Variants in CTNNA3 observed in about 807,000 individuals in gnomAD.
CTNNA3 encodes catenin alpha-3.
CTNNA3 carries 76 observed loss-of-function variants against 95.7 expected under a neutral mutation model. The ratio of observed to expected loss-of-function variants is 0.79; its 90% CI spans 0.66 to 0.96. The LOEUF (loss-of-function observed/expected upper bound fraction) is 0.96, where lower values mean the gene tolerates loss of function less well. Ranked by LOEUF, CTNNA3 falls within the 40% of genes least tolerant of loss-of-function variation. The pLI is 0.00. For missense variants in CTNNA3, 1,191 were observed against 1,089.8 expected (o/e 1.09, Z -1.31); for synonymous variants, 431 against 374.4 (o/e 1.15, Z -1.74).
At chr10:66,686,490 A>T (rs1847302415) in intron 9 of CTNNA3, among the ~76,000 whole-genome samples, 1 of 152,142 alleles carries the variant, frequency 6.6e-6, no homozygotes, top group African/African-American at 2.4e-5. Context: ...TCCCATTTTC[A>T]AATTTCAGCA....
At chr10:66,491,137 G>A (rs1410269043) in intron 11 of CTNNA3, among the ~76,000 whole-genome samples, 1 of 152,064 alleles carries the variant, frequency 6.6e-6, no homozygotes, top group African/African-American at 2.4e-5. Flanking sequence ...AACCATAGCC[G>A]CTGCACTTTA....
chr10:66,328,345 A>C (rs1216949227), intron 12 of CTNNA3, among the ~76,000 whole-genome samples: 5 of 152,102 alleles, frequency 3.3e-5, no homozygotes, highest in African/African-American at 1.2e-4. Context: ...CTAGGGATAC[A>C]TCATATTTAA....
chr10:66,557,689 C>A (rs1415632053), intron 10 of CTNNA3, among the ~76,000 whole-genome samples: 1 of 152,132 alleles, frequency 6.6e-6, no homozygotes, highest in Non-Finnish European at 1.5e-5. Flanking sequence ...TATACTCCCA[C>A]AACTGGAGTT....
In CTNNA3 at chr10:66,937,127, C is replaced by T. The variant is rs149025272; in HGVS notation, c.1048-161603G>A. Among the ~76,000 whole-genome samples the T allele has an allele frequency of 2.6e-3, 397 of 151,944 alleles. 4 individuals are homozygous for T. Among genetic ancestry groups the T allele is most frequent in the African/African-American group, 9.4e-3 (390 of 41,456 alleles). ...TGAATCGCCATTATACAAAGTCTTT[C>T]TCCTTAAATTTTTTTCATGGAGAGA... On this transcript the variant is annotated intron_variant, in intron 7 of 17. Transcript: ENST00000433211.
intron 2 of CTNNA3, among the ~76,000 whole-genome samples, chr10:67,636,863 T>C (rs1307427362): frequency 1.3e-5 from 2 of 152,108 alleles, no homozygotes; most frequent in African/African-American, 4.8e-5. Flanking sequence ...ACCCCATCTG[T>C]ACGTCACCAT....
intron 11 of CTNNA3, among the ~76,000 whole-genome samples, chr10:66,478,704 T>C (rs140881539): frequency 1.1e-3 from 171 of 151,964 alleles, no homozygotes; most frequent in African/African-American, 4.0e-3. Flanking sequence ...ATAATGTAAT[T>C]AAAATAAATT....
At chr10:66,827,924 A>G (rs1842574740) in intron 7 of CTNNA3, among the ~76,000 whole-genome samples, 2 of 152,244 alleles carry the variant, frequency 1.3e-5, no homozygotes, top group Non-Finnish European at 1.5e-5. Context: ...CCGAGATGAT[A>G]TAAAACACAG....
chr10:66,694,713 C>T (rs1324747189), intron 9 of CTNNA3, among the ~76,000 whole-genome samples: 1 of 152,132 alleles, frequency 6.6e-6, no homozygotes, highest in Non-Finnish European at 1.5e-5. Context: ...TTGCCTCTGC[C>T]ATCAAACAAT....
chr10:66,390,023 C>G (rs2092923800), intron 11 of CTNNA3, among the ~76,000 whole-genome samples: 1 of 152,116 alleles, frequency 6.6e-6, no homozygotes, highest in Non-Finnish European at 1.5e-5. Context: ...GGAGTGAGCC[C>G]CTGCACCTGG....
chr10:66,355,006 T>G (rs2092597978), intron 12 of CTNNA3, among the ~76,000 whole-genome samples: 2 of 152,114 alleles, frequency 1.3e-5, no homozygotes, highest in Non-Finnish European at 2.9e-5. Flanking sequence ...CAACTAATAT[T>G]ATTTTTAAAG....
chr10:66,330,869 C>A (rs1234762836), intron 12 of CTNNA3, among the ~76,000 whole-genome samples: 1 of 151,968 alleles, frequency 6.6e-6, no homozygotes, highest in Non-Finnish European at 1.5e-5. Context: ...TAAATGTCTT[C>A]TTTTGAGAAG....
intron 5 of CTNNA3, among the ~76,000 whole-genome samples, chr10:67,432,868 C>T (rs556774866): frequency 6.6e-6 from 1 of 152,022 alleles, no homozygotes; most frequent in Non-Finnish European, 1.5e-5. Flanking sequence ...ATGTTTCTGT[C>T]TGATTTTGGC....
At chr10:66,414,729 C>T (rs941998354) in intron 11 of CTNNA3, among the ~76,000 whole-genome samples, 16 of 152,212 alleles carry the variant, frequency 1.1e-4, no homozygotes, top group African/African-American at 3.9e-4. Context: ...TAGGCTGCTG[C>T]TCCCAGGGCT....
chr10:66,423,083 T>C (rs2093209907), intron 11 of CTNNA3, among the ~76,000 whole-genome samples: 1 of 152,128 alleles, frequency 6.6e-6, no homozygotes, highest in African/African-American at 2.4e-5. Flanking sequence ...CATCTTCTCC[T>C]GTACAGAAAA....
intron 13 of CTNNA3, among the ~76,000 whole-genome samples, chr10:66,220,340 G>A (rs916735469): frequency 3.9e-5 from 6 of 152,146 alleles, no homozygotes; most frequent in African/African-American, 1.4e-4. Context: ...TTTTGAAACA[G>A]GAAATTTTCT....
chr10:66,432,918 G>A (rs1308690618), intron 11 of CTNNA3, among the ~76,000 whole-genome samples: 2 of 151,964 alleles, frequency 1.3e-5, no homozygotes, highest in Non-Finnish European at 1.5e-5. Context: ...CTGTTCCTTT[G>A]TTAGTTTGCT....
chr10:67,302,838 C>T (rs532181159), intron 5 of CTNNA3, among the ~76,000 whole-genome samples: 1 of 152,228 alleles, frequency 6.6e-6, no homozygotes, highest in East Asian at 1.9e-4. Flanking sequence ...AGGGTGCCAG[C>T]ATTAAACAGA....
chr10:66,423,759 A>G (rs2093216299), intron 11 of CTNNA3, among the ~76,000 whole-genome samples: 1 of 152,214 alleles, frequency 6.6e-6, no homozygotes, highest in African/African-American at 2.4e-5. Context: ...TCAGTCTGTA[A>G]GAGAGAATGC....
intron 9 of CTNNA3, among the ~76,000 whole-genome samples, chr10:66,630,585 C>T (rs1193769170): frequency 6.6e-6 from 1 of 152,178 alleles, no homozygotes; most frequent in East Asian, 1.9e-4. Flanking sequence ...GGCACAGTAA[C>T]TTCCATAGAC....
Sources: allele counts gnomAD v4.1 joint callset (sites outside exome capture counted in the v4.1 genomes callset), GRCh38; gene constraint gnomAD v4.1.1; transcripts MANE v1.5; gene names NCBI Gene and HGNC (gene_info 2026-07-23, HGNC 2026-07-21).